The following MMP26 variants were observed in gnomAD, a reference collection of about 807,000 sequenced individuals.
MMP26 encodes the protein matrix metalloproteinase-26.
In MMP26, 33 loss-of-function variants were observed where a neutral mutation model predicts 31.0. The observed-to-expected ratio is 1.06, with a 90% CI of 0.81 to 1.42. The LOEUF (loss-of-function observed/expected upper bound fraction) is 1.42. Among genes scored for constraint, MMP26 ranks in the 40% most tolerant of loss-of-function variants. The pLI is 0.00. For synonymous variants in MMP26, 122 were observed against 114.9 expected (o/e 1.06, Z -0.40); for missense variants, 347 against 316.1 (o/e 1.10, Z -0.74).
intron 1 of MMP26, among the ~76,000 whole-genome samples, chr11:4,717,409 T>C (rs11600164): frequency 0.13 from 19,124 of 152,088 alleles, 1,614 homozygotes; most frequent in Middle Eastern, 0.21. Context: ...TCTTTTTAAC[T>C]TGGAAAGATG....
chr11:4,988,306 T>C lies in MMP26; in HGVS notation c.95T>C (p.Val32Ala), dbSNP rs563106130. ...PAADHKGWDF[V>A]EGYFHQFFLT... The stretch of plus-strand genomic sequence containing the variant: ...GCAGACCATAAAGGATGGGACTTTG[T>C]TGAGGTAGGTGAACGACTCAGGACC... Residue 32 changes from valine (V) to alanine (A), a missense_variant, in exon 3 of 8, where the codon GTT becomes GCT. Physicochemically the swap from Val to Ala is moderately conservative, Grantham distance 64. Coordinates refer to ENST00000380390, the MANE Select transcript of MMP26 (RefSeq NM_021801.5). 1 of 1,613,924 alleles carries C rather than the reference T, an allele frequency of 6.2e-7. No homozygotes were observed. The highest frequency in any genetic ancestry group is 2.2e-5 in the East Asian group (1 of 44,878).
chr11:4,925,122 A>G (rs1851250950), intron 2 of MMP26, among the ~76,000 whole-genome samples: 1 of 152,206 alleles, frequency 6.6e-6, no homozygotes, highest in South Asian at 2.1e-4. Context: ...CACCAGTTCT[A>G]TCTTGTAAGT....
intron 2 of MMP26, among the ~76,000 whole-genome samples, chr11:4,868,393 C>A (rs1850265796): frequency 6.6e-6 from 1 of 152,020 alleles, no homozygotes; most frequent in Non-Finnish European, 1.5e-5. Context: ...AATCAATGTG[C>A]AAAAATCACA....
chr11:4,726,282 G>A (rs1214586602), intron 1 of MMP26, among the ~76,000 whole-genome samples: 1 of 152,068 alleles, frequency 6.6e-6, no homozygotes, highest in African/African-American at 2.4e-5. Flanking sequence ...TGGCCAACAT[G>A]GTGAAACTCA....
At chr11:4,963,410 A>C (rs1463342372) in intron 2 of MMP26, among the ~76,000 whole-genome samples, 1 of 152,222 alleles carries the variant, frequency 6.6e-6, no homozygotes, top group Non-Finnish European at 1.5e-5. Flanking sequence ...GAACCAAATA[A>C]GAGCCCATAT....
intron 2 of MMP26, chr11:4,943,746 C>T (rs1846251664): frequency 2.7e-6 from 1 of 365,656 alleles, no homozygotes; most frequent in African/African-American, 2.1e-5. Flanking sequence ...CCAAAAACTA[C>T]ATTCTTCATT....
At chr11:4,729,054 A>G (rs1848139205) in intron 1 of MMP26, among the ~76,000 whole-genome samples, 1 of 151,788 alleles carries the variant, frequency 6.6e-6, no homozygotes, top group South Asian at 2.1e-4. Context: ...CCCTAGTCAC[A>G]GACATTTAAA....
At chr11:4,880,746 A>G (rs948163697) in intron 2 of MMP26, among the ~76,000 whole-genome samples, 3 of 152,182 alleles carry the variant, frequency 2.0e-5, no homozygotes, top group Non-Finnish European at 4.4e-5. Flanking sequence ...GGAAAGGTCC[A>G]AGCAAAATGT....
chr11:4,858,763 A>C (rs1161885933), intron 2 of MMP26, among the ~76,000 whole-genome samples: 3 of 152,218 alleles, frequency 2.0e-5, no homozygotes, highest in African/African-American at 7.2e-5. Context: ...CCGCATTGCC[A>C]AGATAATCCT....
At chr11:4,970,946 G>C (rs1373212671) in intron 2 of MMP26, among the ~76,000 whole-genome samples, 1 of 152,144 alleles carries the variant, frequency 6.6e-6, no homozygotes, top group African/African-American at 2.4e-5. Flanking sequence ...TGAAGGGAGT[G>C]AATAGACCTG....
At chr11:4,908,252 A>G in intron 2 of MMP26, 1 of 1,614,060 alleles carries the variant, frequency 6.2e-7, no homozygotes, top group Non-Finnish European at 8.5e-7. Flanking sequence ...CTGTGTAAAG[A>G]CTCGACAAAT....
At chr11:4,743,773 C>T (rs765010925) in intron 1 of MMP26, among the ~76,000 whole-genome samples, 6 of 152,092 alleles carry the variant, frequency 3.9e-5, no homozygotes, top group East Asian at 1.9e-4. Flanking sequence ...CAGAATTATA[C>T]GTTAATGAGT....
chr11:4,801,869 G>A (rs1041809010), intron 2 of MMP26, among the ~76,000 whole-genome samples: 7 of 151,848 alleles, frequency 4.6e-5, no homozygotes, highest in African/African-American at 1.7e-4. Flanking sequence ...GATCTCGCAT[G>A]ATCTAACTGA....
intron 1 of MMP26, among the ~76,000 whole-genome samples, chr11:4,728,023 G>T (rs1848126060): frequency 6.6e-6 from 1 of 152,126 alleles, no homozygotes; most frequent in Non-Finnish European, 1.5e-5. Flanking sequence ...CTCCTGAGAA[G>T]TAAAATTTTA....
At chr11:4,780,014 G>A (rs1017393) in intron 2 of MMP26, among the ~76,000 whole-genome samples, 22,162 of 152,074 alleles carry the variant, frequency 0.15, 2,023 homozygotes, top group African/African-American at 0.26. Context: ...CCATGTTGCT[G>A]TATGTAGTAG....
At chr11:4,819,010 A>T (rs759374903) in intron 2 of MMP26, among the ~76,000 whole-genome samples, 1 of 152,210 alleles carries the variant, frequency 6.6e-6, no homozygotes, top group Non-Finnish European at 1.5e-5. Flanking sequence ...TGGTTAAAAA[A>T]TAAGAGAATA....
intron 2 of MMP26, among the ~76,000 whole-genome samples, chr11:4,812,585 G>A (rs572848863): frequency 1.9e-3 from 291 of 152,322 alleles, no homozygotes; most frequent in Non-Finnish European, 3.5e-3. Flanking sequence ...TTAGGCTACC[G>A]AATCCAGTAT....
intron 2 of MMP26, among the ~76,000 whole-genome samples, chr11:4,869,788 A>G (rs12786725): frequency 2.0e-5 from 3 of 152,212 alleles, no homozygotes; most frequent in African/African-American, 4.8e-5. Context: ...TTGCAGCACT[A>G]TTCACAATAG....
intron 2 of MMP26, among the ~76,000 whole-genome samples, chr11:4,971,470 T>G (rs1846665408): frequency 6.6e-6 from 1 of 152,188 alleles, no homozygotes; most frequent in African/African-American, 2.4e-5. Flanking sequence ...AGAAAAACTT[T>G]ATTAACAGAG....
Sources: gnomAD v4.1 joint callset for allele counts (sites outside exome capture counted in the v4.1 genomes callset) on GRCh38, gnomAD v4.1.1 for gene constraint, MANE v1.5 for transcripts, NCBI Gene and HGNC (gene_info 2026-07-23, HGNC 2026-07-21) for gene names.